The following CROCC2 variants were observed in gnomAD, a reference collection of about 807,000 sequenced individuals.
CROCC2 encodes ciliary rootlet coiled-coil protein 2.
CROCC2 carries 163 observed loss-of-function variants against 177.6 expected under a neutral mutation model. That is an observed-to-expected ratio of 0.92 (90% CI 0.81 to 1.05). The LOEUF is 1.05. Among genes scored for constraint, CROCC2 ranks in the 50% least tolerant of loss-of-function variants. The pLI is 0.00. For missense variants in CROCC2, 1,929 were observed against 1,797.8 expected, an observed-to-expected ratio of 1.07 and a Z score of -1.32; for synonymous variants, 904 against 787.3, an observed-to-expected ratio of 1.15 and a Z score of -2.48.
chr2:240,986,435 C>T (rs2059841389), intron 28 of CROCC2, among the ~76,000 whole-genome samples: 1 of 152,124 alleles, frequency 6.6e-6, no homozygotes, highest in Non-Finnish European at 1.5e-5. Context: ...GCTCATGCAG[C>T]CTCAGAGTGG....
intron 14 of CROCC2, among the ~76,000 whole-genome samples, chr2:240,935,832 C>T (rs1007693204): frequency 1.3e-5 from 2 of 152,206 alleles, no homozygotes; most frequent in East Asian, 1.9e-4. Flanking sequence ...CAGGGGAGCC[C>T]GGGCCTCAGG....
rs1012933934 is a variant in CROCC2 at position 240,918,942 on chromosome 2, G to A, written c.229+66G>A. On this transcript the variant is annotated intron_variant, in intron 2 of 31. Coordinates refer to ENST00000690015, the MANE Select transcript of CROCC2 (RefSeq NM_001351305.2). This position sits in a 1 kb window ranked among gnomAD's most constrained non-coding sequence, Gnocchi z 6.3. ...AGGTGACGGCGTGGGGGACAGTCCTGGGCCCGGTGCTGGCCAAGGTGACGG... is the reference window on the plus strand; with the variant it reads ...AGGTGACGGCGTGGGGGACAGTCCTAGGCCCGGTGCTGGCCAAGGTGACGG... The A allele has an allele frequency of 7.5e-6, 5 of 662,826 alleles. No individual in the cohort carries two copies. Among genetic ancestry groups the A allele is most frequent in the Admixed American group, 2.3e-5 (1 of 42,700 alleles). 41.1% of individuals were successfully genotyped at this position (662,826 alleles called of 1,614,324 possible).
At chr2:240,989,930 C>A (rs992771130) in intron 30 of CROCC2, 97 bp downstream of exon 30, 1 of 1,209,778 alleles carries the variant, frequency 8.3e-7, no homozygotes, top group Non-Finnish European at 1.1e-6. Flanking sequence ...TCTTGAAGTC[C>A]TCTAGCAACA....
At chr2:240,915,608 CT>C (rs1423369914) in intron 1 of CROCC2, among the ~76,000 whole-genome samples, 2 of 152,194 alleles carry the variant, frequency 1.3e-5, no homozygotes, top group Non-Finnish European at 2.9e-5. Flanking sequence ...TGCTCTAACC[CT>C]GTGGAGGCAG....
Position 240,935,372 on chromosome 2 carries a change from G to C in CROCC2, c.1953G>C (p.Arg651=). ...NHLALQLEQE[R]DQLREQRKTL... The stretch of plus-strand genomic sequence containing the variant: ...CCTGGTGGCAGCTGGAGCAGGAGCG[G>C]GACCAGCTGCGGGAACAGCGGAAGA... The change falls in exon 14 of 32, where the codon CGG becomes CGC. Residue 651 remains arginine, a synonymous_variant. Transcript: ENST00000690015. The C allele has an allele frequency of 1.5e-6, 2 of 1,358,990 alleles. No individual in the cohort carries two copies. The highest frequency in any genetic ancestry group is 2.2e-4 in the Middle Eastern group (1 of 4,506). The allele number at this position is 1,358,990 out of a possible 1,614,324, so 84.2% of individuals were successfully genotyped here. A position where few individuals can be genotyped will look rare whatever the true frequency, so the allele number is the denominator to read the frequency against.
intron 22 of CROCC2, 131 bp from the exon 23 acceptor site, chr2:240,965,250 C>A: frequency 7.3e-7 from 1 of 1,369,860 alleles, no homozygotes; most frequent in Non-Finnish European, 9.9e-7. Context: ...TTTGGGGCAC[C>A]TTAGCCCAAG....
intron 19 of CROCC2, chr2:240,957,907 G>A: frequency 1.1e-6 from 1 of 913,744 alleles, no homozygotes; most frequent in Middle Eastern, 5.6e-4. Context: ...CGTGGGCAGG[G>A]ACCCAGGAAA....
chr2:240,934,730 G>A lies in CROCC2; in HGVS notation c.1792-186G>A, dbSNP rs77532370. Among the ~76,000 whole-genome samples, 1,431 of 152,294 alleles carry A rather than the reference G, an allele frequency of 9.4e-3. 14 individuals carry two copies. The highest frequency in any genetic ancestry group is 0.032 in the African/African-American group (1,349 of 41,564). On this transcript the variant is annotated intron_variant, in intron 12 of 31. Coordinates refer to ENST00000690015, the MANE Select transcript of CROCC2 (RefSeq NM_001351305.2). ...GGACCACCAGCCACCTCCTCTGGCT[G>A]GAGCCTTAGTGCCTGGAGCCACCAT...
chr2:240,956,035 C>T (rs1450150220), intron 19 of CROCC2, 63 bp downstream of exon 19: 7 of 1,227,616 alleles, frequency 5.7e-6, no homozygotes, highest in South Asian at 1.3e-5. Context: ...CCCAGGGGGC[C>T]ACCCCTCCTG....
At chr2:240,989,889 G>A in intron 30 of CROCC2, 56 bp downstream of exon 30, 1 of 1,463,092 alleles carries the variant, frequency 6.8e-7, no homozygotes, top group Non-Finnish European at 9.2e-7. Flanking sequence ...CAGAGGACTG[G>A]CATCCCCGCA....
chr2:240,965,636 G>GTTGCAA lies in CROCC2; in HGVS notation c.3605_3606insTGCAAT (p.Val1202_Leu1203insAlaIle). The GTTGCAA allele has an allele frequency of 6.4e-7, 1 of 1,550,618 alleles. No homozygotes were observed. Among genetic ancestry groups the GTTGCAA allele is most frequent in the East Asian group, 2.4e-5 (1 of 40,920 alleles). On this transcript the variant is annotated inframe_insertion and splice_region_variant, in exon 24 of 32. Transcript: ENST00000690015. ...GCGCACCCCAACATCCCTCCTACAGGTCCTGGGATTGCAGAGGAAGTTGGC... is the reference window on the plus strand; with the variant it reads ...GCGCACCCCAACATCCCTCCTACAGGTTGCAATCCTGGGATTGCAGAGGAAGTTGGC...
At chr2:240,940,423 T>G (rs546553444) in intron 14 of CROCC2, among the ~76,000 whole-genome samples, 5 of 152,222 alleles carry the variant, frequency 3.3e-5, no homozygotes, top group Non-Finnish European at 7.4e-5. Context: ...TTATGCTTAG[T>G]GTTTCCGTGG....
chr2:240,970,551 G>C (rs2059713259), intron 27 of CROCC2, among the ~76,000 whole-genome samples: 1 of 152,220 alleles, frequency 6.6e-6, no homozygotes, highest in African/African-American at 2.4e-5. Flanking sequence ...TCTTATGGCT[G>C]GGCCAGGACA....
rs894467355 is a variant in CROCC2, at chr2:240,949,983, A to C, written c.2652+281A>C. Among the ~76,000 whole-genome samples the C allele has an allele frequency of 1.2e-4, 19 of 152,102 alleles. No homozygotes were observed. Among genetic ancestry groups the C allele is most frequent in the Non-Finnish European group, 1.5e-4 (10 of 67,992 alleles). On this transcript the variant is annotated intron_variant, in intron 17 of 31. Transcript: ENST00000690015. This position sits in a 1 kb window ranked among gnomAD's most constrained non-coding sequence, Gnocchi z 4.5. ...CTGGTCTGGTGCAGTCTGAAGGATG[A>C]GGGCTGGAGGGGGCCCCACACCCAT... is the stretch of plus-strand genomic sequence containing the variant.
rs1365281346 is a variant in CROCC2 at position 240,973,614 on chromosome 2, G to C, written c.4401+5352G>C. ...CACCCGCCTGTGGGGGCTCAACTCA[G>C]CGTCAGTCACAGGTTCTAAAAGTTT... On this transcript the variant is annotated intron_variant, in intron 27 of 31. Coordinates refer to ENST00000690015, the MANE Select transcript of CROCC2 (RefSeq NM_001351305.2). This position sits in a 1 kb window ranked among gnomAD's most constrained non-coding sequence, Gnocchi z 4.7. Among the ~76,000 whole-genome samples, 1 of 151,914 alleles carries C rather than the reference G, an allele frequency of 6.6e-6. No individual in the cohort carries two copies. Among genetic ancestry groups the C allele is most frequent in the Non-Finnish European group, 1.5e-5 (1 of 68,018 alleles).
intron 17 of CROCC2, among the ~76,000 whole-genome samples, chr2:240,950,098 G>A (rs1166823168): frequency 6.6e-6 from 1 of 152,184 alleles, no homozygotes; most frequent in African/African-American, 2.4e-5. Context: ...AGAGACTCAG[G>A]AATGGTTTAC....
Position 240,961,417 on chromosome 2 carries a change from G to A in CROCC2, c.3087+1973G>A, listed in dbSNP as rs571264451. Among the ~76,000 whole-genome samples the A allele has an allele frequency of 4.6e-5, 7 of 151,862 alleles. No individual in the cohort carries two copies. The East Asian group carries it at 1.2e-3, about 25-fold the overall frequency. Reference sequence around the variant, plus strand: ...AGGCGTGCACAGAAACGTGCACCAAGCACACACACGCATGTGTGCGCACAC... The same window carrying A: ...AGGCGTGCACAGAAACGTGCACCAAACACACACACGCATGTGTGCGCACAC... On this transcript the variant is annotated intron_variant, in intron 20 of 31. Coordinates refer to ENST00000690015, the MANE Select transcript of CROCC2 (RefSeq NM_001351305.2).
chr2:240,963,929 C>G, intron 21 of CROCC2, 156 bp downstream of exon 21: 1 of 761,028 alleles, frequency 1.3e-6, no homozygotes, highest in Non-Finnish European at 2.1e-6. Flanking sequence ...CTCCCGCTGC[C>G]CAGTCCAAGA....
chr2:240,928,815 C>A (rs1211978316), intron 5 of CROCC2, among the ~76,000 whole-genome samples: 3 of 151,872 alleles, frequency 2.0e-5, no homozygotes, highest in Admixed American at 2.0e-4. Flanking sequence ...AGGAGCATGC[C>A]CTCGGAGGGT....
Sources: gnomAD v4.1 joint callset for allele counts (sites outside exome capture counted in the v4.1 genomes callset) on GRCh38, gnomAD v4.1.1 for gene constraint, Gnocchi (gnomAD v3.1) non-coding constraint, MANE v1.5 for transcripts, NCBI Gene and HGNC (gene_info 2026-07-23, HGNC 2026-07-21) for gene names.